The following FAM228A variants were observed in gnomAD, a reference collection of about 807,000 sequenced individuals.
The protein encoded by FAM228A is protein FAM228A.
Under a neutral mutation model 18.6 loss-of-function variants are expected in FAM228A, and 13 were observed. The ratio of observed to expected loss-of-function variants is 0.70; its 90% CI spans 0.45 to 1.11. FAM228A has a LOEUF of 1.11. Ranked by LOEUF, FAM228A falls within the 50% of genes least tolerant of loss-of-function variation. FAM228A has a pLI of 0.00. For synonymous variants in FAM228A, 77 were observed against 86.6 expected, an observed-to-expected ratio of 0.89 and a Z score of 0.61; for missense variants, 240 against 242.2, an observed-to-expected ratio of 0.99 and a Z score of 0.06.
intron 5 of FAM228A, among the ~76,000 whole-genome samples, chr2:24,185,842 G>A (rs1667936244): frequency 6.6e-6 from 1 of 151,998 alleles, no homozygotes; most frequent in Non-Finnish European, 1.5e-5. Context: ...GTAGATCTTT[G>A]TTTAGATTTA....
At chr2:24,185,375 G>GT (rs1014189111) in intron 5 of FAM228A, among the ~76,000 whole-genome samples, 5 of 151,984 alleles carry the variant, frequency 3.3e-5, no homozygotes, top group Admixed American at 3.3e-4. Context: ...TTTTTAATGA[G>GT]TTTTGATACC....
At chr2:24,187,883 TCTTTG>T (rs1444337586) in intron 5 of FAM228A, among the ~76,000 whole-genome samples, 9 of 152,340 alleles carry the variant, frequency 5.9e-5, no homozygotes, top group Admixed American at 1.3e-4. Context: ...TTTCTCATTG[TCTTTG>T]ATTTTTTGTA....
In FAM228A at chr2:24,190,439, G is replaced by C; in HGVS notation, c.429G>C (p.Lys143Asn). 1 of 1,613,546 alleles carries C rather than the reference G, an allele frequency of 6.2e-7. No homozygotes were observed. Among genetic ancestry groups the C allele is most frequent in the Non-Finnish European group, 8.5e-7 (1 of 1,179,874 alleles). The change falls in exon 6 of 6, where the codon AAG (lysine) becomes AAC (asparagine). Residue 143 changes from lysine to asparagine, a missense_variant. Lys to Asn is a moderately conservative substitution (Grantham distance 94). Coordinates refer to ENST00000295150, the MANE Select transcript of FAM228A (RefSeq NM_001040710.3). The part of the protein sequence containing the change: ...YSPEKLIYAD[K>N]KQKRKEKKTA... ...CTGAAAAGCTCATCTATGCAGACAA[G>C]AAACAGAAAAGAAAAGAGAAAAAGA...
rs1198237053 is a variant in FAM228A at position 24,190,854 on chromosome 2, C to T, written c.*223C>T. On this transcript the variant is annotated 3_prime_UTR_variant, in exon 6 of 6. Coordinates refer to ENST00000295150, the MANE Select transcript of FAM228A (RefSeq NM_001040710.3). ...ACTTTCCGGAGACATCCTGTCCTTC[C>T]GAGGTGAGGGCCAACCTGGCCACAG... The T allele has an allele frequency of 1.1e-5, 14 of 1,236,906 alleles. No homozygotes were observed. The South Asian group carries it at 1.3e-4, about 12-fold the overall frequency. The allele number at this position is 1,236,906 out of a possible 1,614,324, so 76.6% of individuals were successfully genotyped here. A position where few individuals can be genotyped will look rare whatever the true frequency, so the allele number is the denominator to read the frequency against.
chr2:24,182,270 G>T (rs568752948), intron 3 of FAM228A, among the ~76,000 whole-genome samples: 45 of 152,272 alleles, frequency 3.0e-4, no homozygotes, highest in Non-Finnish European at 5.7e-4. Context: ...AATATGTATG[G>T]CTCTGAAGAT....
intron 5 of FAM228A, among the ~76,000 whole-genome samples, chr2:24,189,666 T>TA (rs1668034830): frequency 6.6e-6 from 1 of 152,056 alleles, no homozygotes; most frequent in South Asian, 2.1e-4. Flanking sequence ...GGGCTAGGCT[T>TA]CCTGGGGCAG....
At chr2:24,187,322 G>A (rs1021762025) in intron 5 of FAM228A, among the ~76,000 whole-genome samples, 12 of 152,110 alleles carry the variant, frequency 7.9e-5, no homozygotes, top group African/African-American at 1.9e-4. Flanking sequence ...CACAGCAGAC[G>A]TGAGTGGAAA....
At chr2:24,184,328 C>T (rs942512966) in intron 5 of FAM228A, among the ~76,000 whole-genome samples, 7 of 149,874 alleles carry the variant, frequency 4.7e-5, no homozygotes, top group East Asian at 3.9e-4. Flanking sequence ...TGCAGTGAGT[C>T]GAGATCATGC....
rs149573791 is a variant in FAM228A at position 24,183,080 on chromosome 2, G to A, written c.163-205G>A. The stretch of plus-strand genomic sequence containing the variant: ...CGGGTATATTGGGGTACGAGGTTGG[G>A]GTGCTGAGGTTGGGGTGCAATTGAA... On this transcript the variant is annotated intron_variant, in intron 3 of 5. Coordinates refer to ENST00000295150, the MANE Select transcript of FAM228A (RefSeq NM_001040710.3). 4.1e-3 allele frequency among the ~76,000 whole-genome samples: 620 copies of A among 152,078 alleles called. 10 individuals are homozygous for A. Among genetic ancestry groups the A allele is most frequent in the Middle Eastern group, 0.02 (6 of 294 alleles).
At chr2:24,186,231 C>T (rs1667947293) in intron 5 of FAM228A, among the ~76,000 whole-genome samples, 1 of 152,142 alleles carries the variant, frequency 6.6e-6, no homozygotes, top group African/African-American at 2.4e-5. Context: ...AACTCCTGAC[C>T]TCAGGTGATC....
At chr2:24,175,762 C>CTGGG (rs1009595837) in intron 2 of FAM228A, 189 bp downstream of exon 2, 1 of 775,820 alleles carries the variant, frequency 1.3e-6, no homozygotes, top group African/African-American at 1.8e-5. Context: ...AGTCGCCAGC[C>CTGGG]TGGGGGCTGG....
At chr2:24,185,539 G>A (rs941549603) in intron 5 of FAM228A, among the ~76,000 whole-genome samples, 1 of 152,226 alleles carries the variant, frequency 6.6e-6, no homozygotes, top group African/African-American at 2.4e-5. Context: ...CATTGAATCT[G>A]TAGATCAATT....
At chr2:24,177,271 C>T (rs1667713713) in intron 2 of FAM228A, among the ~76,000 whole-genome samples, 3 of 152,284 alleles carry the variant, frequency 2.0e-5, no homozygotes, top group Non-Finnish European at 2.9e-5. Flanking sequence ...GAAACTCTGT[C>T]TCTACTAAAA....
chr2:24,190,538 T>C lies in FAM228A; in HGVS notation c.528T>C (p.Gly176=), dbSNP rs1408670602. ...SSKLSQKNKV[G]ERKGLVSRGL... The stretch of plus-strand genomic sequence containing the variant: ...AGCTCAGCCAGAAGAACAAAGTGGG[T>C]GAAAGAAAGGGTCTGGTGAGCAGAG... The change falls in exon 6 of 6, where the codon GGT becomes GGC. Residue 176 remains glycine, a synonymous_variant. Coordinates refer to ENST00000295150, the MANE Select transcript of FAM228A (RefSeq NM_001040710.3). 6.2e-7 allele frequency: 1 copy of C among 1,613,402 alleles called. No homozygotes were observed. The highest frequency in any genetic ancestry group is 8.5e-7 in the Non-Finnish European group (1 of 1,179,904).
chr2:24,182,836 G>T (rs1667847049), intron 3 of FAM228A, among the ~76,000 whole-genome samples: 2 of 152,124 alleles, frequency 1.3e-5, no homozygotes, highest in Non-Finnish European at 1.5e-5. Context: ...GCGCTTAACA[G>T]AAGTGCGTCT....
intron 2 of FAM228A, chr2:24,175,829 C>A (rs759201569): frequency 1.8e-6 from 2 of 1,130,200 alleles, no homozygotes; most frequent in Middle Eastern, 3.4e-4. Flanking sequence ...AGCTCCCCGG[C>A]AGAAGCCAGG....
At chr2:24,175,874 G>T (rs1359086435) in intron 2 of FAM228A, 5 of 1,107,482 alleles carry the variant, frequency 4.5e-6, no homozygotes, top group Non-Finnish European at 3.3e-6. Context: ...ATACTTCAGC[G>T]TCTGGTAATG....
chr2:24,179,027 A>G, intron 3 of FAM228A: 1 of 514,102 alleles, frequency 1.9e-6, no homozygotes, highest in Non-Finnish European at 2.7e-6. Flanking sequence ...AGAGAGAACA[A>G]ATTTTTTTTT....
intron 3 of FAM228A, among the ~76,000 whole-genome samples, chr2:24,182,570 T>A (rs1314133006): frequency 6.6e-6 from 1 of 152,192 alleles, no homozygotes; most frequent in South Asian, 2.1e-4. Context: ...AACTCATAGC[T>A]CTGGTCACCT....
Sources: allele counts gnomAD v4.1 joint callset (sites outside exome capture counted in the v4.1 genomes callset), GRCh38; gene constraint gnomAD v4.1.1; transcripts MANE v1.5; gene names NCBI Gene and HGNC (gene_info 2026-07-23, HGNC 2026-07-21).